The following GALNT9 variants were observed in gnomAD, a reference collection of about 807,000 sequenced individuals.
GALNT9 encodes the protein polypeptide N-acetylgalactosaminyltransferase 9.
GALNT9 carries 47 observed loss-of-function variants against 63.1 expected under a neutral mutation model. That is an observed-to-expected ratio of 0.75 (90% confidence interval 0.59 to 0.95). The LOEUF (loss-of-function observed/expected upper bound fraction) is 0.95. Ranked by LOEUF, GALNT9 falls within the 40% of genes least tolerant of loss-of-function variation. GALNT9 has a pLI of 0.00. For synonymous variants in GALNT9, 396 were observed against 365.7 expected (o/e 1.08, Z -0.94); for missense variants, 829 against 874.8 (o/e 0.95, Z 0.66).
intron 6 of GALNT9, among the ~76,000 whole-genome samples, chr12:132,227,922 G>A (rs1298051971): frequency 3.3e-5 from 5 of 152,224 alleles, no homozygotes; most frequent in East Asian, 1.9e-4. Context: ...TCTGAGCCTC[G>A]GTTTCCCCAT....
intron 5 of GALNT9, among the ~76,000 whole-genome samples, chr12:132,255,730 T>C (rs1031177220): frequency 3.3e-4 from 50 of 152,230 alleles, no homozygotes; most frequent in Non-Finnish European, 7.3e-5. Context: ...ACACCTGACA[T>C]GTGTGCATTG....
intron 2 of GALNT9, chr12:132,284,645 G>C (rs1880516653): frequency 6.6e-6 from 1 of 152,244 alleles, no homozygotes; most frequent in South Asian, 2.1e-4. Flanking sequence ...TCCATGCCCA[G>C]GCCTCAGCCC....
In GALNT9 at chr12:132,282,525, A is replaced by G. The variant is rs932339777; in HGVS notation, c.419+3725T>C. On this transcript the variant is annotated intron_variant, in intron 2 of 10. Transcript: ENST00000328957. The surrounding 1 kb of genome is among the most constrained non-coding windows in gnomAD (Gnocchi z 4.5). The stretch of plus-strand genomic sequence containing the variant: ...GTCTGTTTTGGGAACAGCTGGATCT[A>G]GGTGTTCAGACACTGGCCCCTTCTT... Among the ~76,000 whole-genome samples the G allele has an allele frequency of 5.3e-5, 8 of 152,214 alleles. No homozygotes were observed. The highest frequency in any genetic ancestry group is 1.0e-4 in the Non-Finnish European group (7 of 68,044).
chr12:132,198,041 T>A, intron 9 of GALNT9, 82 bp from the exon 10 acceptor site: 1 of 1,201,906 alleles, frequency 8.3e-7, no homozygotes, highest in Non-Finnish European at 1.2e-6. Context: ...GCGAGCTGCC[T>A]TGAGCTGCAA....
rs1868673342 is a variant in GALNT9, at chr12:132,319,330, A to C, written c.238+9636T>G. Among the ~76,000 whole-genome samples, 3 of 152,284 alleles carry C rather than the reference A, an allele frequency of 2.0e-5. 1 individual carries two copies. In the South Asian group the frequency reaches 6.2e-4, roughly 32 times the overall value. On this transcript the variant is annotated intron_variant, in intron 1 of 10. Transcript: ENST00000328957. The surrounding 1 kb of genome is among the most constrained non-coding windows in gnomAD (Gnocchi z 5.2). ...CTGGAACAGAAAGGCAGAGGAGGGC[A>C]GCTTCATGTCCTGTGTGAGCTGAGA...
chr12:132,238,557 A>T lies in GALNT9; in HGVS notation c.1077+9353T>A, dbSNP rs1878089580. ...CAGAGGGCGGGGCCGTGGCATGGGG[A>T]GGGGCTGCCCTAGGGATGGGGACTC... On this transcript the variant is annotated intron_variant, in intron 6 of 10. Coordinates refer to ENST00000328957, the MANE Select transcript of GALNT9 (RefSeq NM_001122636.2). The surrounding 1 kb of genome is among the most constrained non-coding windows in gnomAD (Gnocchi z 6.5). Among the ~76,000 whole-genome samples the T allele has an allele frequency of 6.6e-6, 1 of 152,076 alleles. No homozygotes were observed. Among genetic ancestry groups the T allele is most frequent in the Non-Finnish European group, 1.5e-5 (1 of 67,978 alleles).
At chr12:132,202,545 A>G (rs1174156535) in intron 7 of GALNT9, among the ~76,000 whole-genome samples, 1 of 152,174 alleles carries the variant, frequency 6.6e-6, no homozygotes, top group Non-Finnish European at 1.5e-5. Context: ...AAGAAGTAGT[A>G]ATATTGTAAA....
Position 132,316,332 on chromosome 12 carries a change from C to T in GALNT9, c.238+12634G>A, listed in dbSNP as rs530764208. 2.6e-5 allele frequency among the ~76,000 whole-genome samples: 4 copies of T among 152,298 alleles called. No homozygotes were observed. The highest frequency in any genetic ancestry group is 1.3e-4 in the Admixed American group (2 of 15,300). On this transcript the variant is annotated intron_variant, in intron 1 of 10. Transcript: ENST00000328957. This position sits in a 1 kb window ranked among gnomAD's most constrained non-coding sequence, Gnocchi z 4.3. Reference sequence around the variant, plus strand: ...GACCCCACGTCCCCATTTCACGATGCATTTTTATGCCCCTATTCTGGGAGG... The same window carrying T: ...GACCCCACGTCCCCATTTCACGATGTATTTTTATGCCCCTATTCTGGGAGG...
intron 6 of GALNT9, among the ~76,000 whole-genome samples, chr12:132,222,663 C>T (rs1032122342): frequency 2.6e-5 from 4 of 151,890 alleles, no homozygotes; most frequent in African/African-American, 9.7e-5. Flanking sequence ...ACAGAGACGC[C>T]GCAGAGGCAC....
chr12:132,318,164 C>T (rs1868609573), intron 1 of GALNT9, among the ~76,000 whole-genome samples: 1 of 152,078 alleles, frequency 6.6e-6, no homozygotes, highest in Admixed American at 6.5e-5. Context: ...ACCACTTGAC[C>T]CTGGGTGGTG....
At position 132,262,626 on chromosome 12, in the gene GALNT9, C is replaced by G; in HGVS notation, c.420-1G>C. ...CTGGGCGTAGCTCATCTGTCTGCAC[C>G]TGCAGGAAACACGGTTTGGGGTGCG... On this transcript the variant is annotated splice_acceptor_variant, in intron 2 of 10. Coordinates refer to ENST00000328957, the MANE Select transcript of GALNT9 (RefSeq NM_001122636.2). LOFTEE classifies it high-confidence loss of function. The G allele has an allele frequency of 1.3e-6, 2 of 1,543,778 alleles. No homozygotes were observed.
chr12:132,250,710 GAACC>G (rs2135536624), intron 5 of GALNT9, among the ~76,000 whole-genome samples: 1 of 152,368 alleles, frequency 6.6e-6, no homozygotes, highest in Admixed American at 6.5e-5. Context: ...AGAATCACTT[GAACC>G]TGGGAGGCGG....
At chr12:132,293,527 T>G (rs1555242965) in intron 1 of GALNT9, among the ~76,000 whole-genome samples, 1 of 152,246 alleles carries the variant, frequency 6.6e-6, no homozygotes, top group Non-Finnish European at 1.5e-5. Context: ...CAGACACTTG[T>G]GCCCTGGGTA....
chr12:132,247,485 G>A (rs1483332319), intron 6 of GALNT9: 2 of 400,140 alleles, frequency 5.0e-6, no homozygotes, highest in Non-Finnish European at 1.0e-5. Context: ...TGGCCGCCCA[G>A]CTTGGCTTCC....
rs781994994 is a variant in GALNT9, at chr12:132,329,095, G to C, written c.109C>G (p.Leu37Val). The C allele has an allele frequency of 6.5e-7, 1 of 1,548,954 alleles. No individual in the cohort carries two copies. The highest frequency in any genetic ancestry group is 1.2e-5 in the South Asian group (1 of 84,032). Residue 37 changes from leucine to valine, a missense_variant, in exon 1 of 11, where the codon CTC becomes GTC. Coordinates refer to ENST00000328957, the MANE Select transcript of GALNT9 (RefSeq NM_001122636.2). ...YCRLQGRSQELVRIVSGDRRV... is the reference protein window; with the variant it reads ...YCRLQGRSQEVVRIVSGDRRV... ...CGGTCGCCGCTCACGATGCGCACGA[G>C]CTCCTGGGAGCGGCCCTGCAGGCGG...
At chr12:132,223,115 C>T (rs1261875216) in intron 6 of GALNT9, among the ~76,000 whole-genome samples, 1 of 120,452 alleles carries the variant, frequency 8.3e-6, no homozygotes, top group African/African-American at 3.3e-5. Flanking sequence ...AACTCGCACC[C>T]CAGACACCCC....
intron 6 of GALNT9, among the ~76,000 whole-genome samples, chr12:132,244,086 C>A (rs2136906209): frequency 0.1 from 15,260 of 149,212 alleles, 926 homozygotes; most frequent in African/African-American, 0.16. Context: ...AGTGAGGCCT[C>A]GGGCCGGCCA....
At chr12:132,283,124 G>C (rs538216463) in intron 2 of GALNT9, 1 of 152,448 alleles carries the variant, frequency 6.6e-6, no homozygotes, top group Non-Finnish European at 1.5e-5. Context: ...ACCCCACAAC[G>C]CACAGGGCCC....
chr12:132,258,559 G>T (rs1369810014), intron 4 of GALNT9, among the ~76,000 whole-genome samples: 1 of 152,212 alleles, frequency 6.6e-6, no homozygotes, highest in Non-Finnish European at 1.5e-5. Context: ...GCTGCCCTGG[G>T]TAGTGACTGG....
Sources: allele counts gnomAD v4.1 joint callset (sites outside exome capture counted in the v4.1 genomes callset), GRCh38; gene constraint gnomAD v4.1.1; non-coding constraint Gnocchi (gnomAD v3.1); transcripts MANE v1.5; gene names NCBI Gene and HGNC (gene_info 2026-07-23, HGNC 2026-07-21).